Variants in PTPRR observed in about 807,000 individuals in gnomAD.
The protein encoded by PTPRR is protein tyrosine phosphatase receptor type R.
Under a neutral mutation model 77.2 loss-of-function variants are expected in PTPRR, and 38 were observed. The ratio of observed to expected loss-of-function variants is 0.49; its 90% CI spans 0.38 to 0.65. PTPRR has a LOEUF of 0.65. Ranked by LOEUF, PTPRR falls within the 30% of genes least tolerant of loss-of-function variation. The pLI, the probability that PTPRR is intolerant of heterozygous loss-of-function variation, is 0.00. For missense variants in PTPRR, 744 were observed against 799.2 expected (o/e 0.93, Z 0.83); for synonymous variants, 299 against 283.1 (o/e 1.06, Z -0.57).
At chr12:70,684,808 A>G (rs1344961815) in intron 8 of PTPRR, 25 bp from the exon 9 acceptor site, 13 of 1,512,430 alleles carry the variant, frequency 8.6e-6, no homozygotes, top group South Asian at 1.2e-5. Context: ...AAAAAAGAAT[A>G]TATTAAACAG....
At chr12:70,892,151 CA>C (rs1347889870) in intron 2 of PTPRR, among the ~76,000 whole-genome samples, 1 of 151,966 alleles carries the variant, frequency 6.6e-6, no homozygotes, top group Non-Finnish European at 1.5e-5. Flanking sequence ...TCAGTAATAT[CA>C]AAAATGTTAT....
intron 4 of PTPRR, among the ~76,000 whole-genome samples, chr12:70,759,678 T>TAAAA (rs1890643317): frequency 2.5e-5 from 1 of 40,100 alleles, no homozygotes; most frequent in Non-Finnish European, 5.1e-5. Context: ...AGACTCCGTC[T>TAAAA]TAAAAAAAAA....
At chr12:70,757,138 T>G (rs1419958074) in intron 4 of PTPRR, among the ~76,000 whole-genome samples, 1 of 152,224 alleles carries the variant, frequency 6.6e-6, no homozygotes, top group Non-Finnish European at 1.5e-5. Flanking sequence ...TACCTGCTAG[T>G]GTTCCTAGTT....
chr12:70,905,362 C>T (rs1273757589), intron 1 of PTPRR, among the ~76,000 whole-genome samples: 2 of 151,828 alleles, frequency 1.3e-5, no homozygotes, highest in African/African-American at 2.4e-5. Flanking sequence ...ATATGAAATA[C>T]ATGGTAGGAT....
chr12:70,774,358 G>C (rs1179106812), intron 2 of PTPRR, among the ~76,000 whole-genome samples: 1 of 152,190 alleles, frequency 6.6e-6, no homozygotes, highest in African/African-American at 2.4e-5. Context: ...TTAACTTGAG[G>C]CTTGTAACTG....
chr12:70,887,971 T>C (rs1476631378), intron 2 of PTPRR, among the ~76,000 whole-genome samples: 1 of 151,880 alleles, frequency 6.6e-6, no homozygotes, highest in African/African-American at 2.4e-5. Flanking sequence ...GGGAAAATGT[T>C]TGAATTTTAG....
chr12:70,821,270 G>T (rs554276570), intron 2 of PTPRR, among the ~76,000 whole-genome samples: 384 of 110,264 alleles, frequency 3.5e-3, no homozygotes, highest in Middle Eastern at 0.015. Flanking sequence ...TGTCCCCCAG[G>T]CTGGAGTGCA....
intron 2 of PTPRR, among the ~76,000 whole-genome samples, chr12:70,834,693 A>G (rs1030705310): frequency 6.6e-6 from 1 of 152,180 alleles, no homozygotes; most frequent in African/African-American, 2.4e-5. Flanking sequence ...ATTATTGAAT[A>G]GTAGAAGGAA....
intron 8 of PTPRR, among the ~76,000 whole-genome samples, chr12:70,686,820 C>T (rs571002870): frequency 7.2e-5 from 11 of 152,190 alleles, no homozygotes; most frequent in Non-Finnish European, 1.5e-4. Context: ...CATGAAAGAC[C>T]TTGAGCCAGA....
rs577465225 is a variant in PTPRR at position 70,888,834 on chromosome 12, A to G, written c.357+3845T>C. ...GACCTATTGTCCCTACTATGTAAGT[A>G]ATCACTGTCAAGAAGTATACAGGCT... is the stretch of plus-strand genomic sequence containing the variant. On this transcript the variant is annotated intron_variant, in intron 2 of 13. Transcript: ENST00000283228. Among the ~76,000 whole-genome samples the G allele has an allele frequency of 5.5e-4, 83 of 152,266 alleles. 1 individual carries two copies. The highest frequency in any genetic ancestry group is 1.9e-3 in the African/African-American group (81 of 41,568).
At chr12:70,740,863 A>G (rs973419937) in intron 6 of PTPRR, among the ~76,000 whole-genome samples, 11 of 152,142 alleles carry the variant, frequency 7.2e-5, no homozygotes, top group African/African-American at 2.4e-4. Flanking sequence ...AGAGCTATTA[A>G]ACATGAGCCT....
intron 2 of PTPRR, among the ~76,000 whole-genome samples, chr12:70,792,803 T>G (rs547182036): frequency 6.6e-6 from 1 of 152,258 alleles, no homozygotes; most frequent in East Asian, 1.9e-4. Flanking sequence ...GTAACATGTC[T>G]GAACAGGATC....
intron 6 of PTPRR, among the ~76,000 whole-genome samples, chr12:70,732,706 G>C (rs547050857): frequency 3.3e-5 from 5 of 151,360 alleles, no homozygotes; most frequent in Admixed American, 6.6e-5. Flanking sequence ...GATTACAGGC[G>C]CACGTCACCA....
At position 70,833,866 on chromosome 12, in the gene PTPRR, C is replaced by T. The variant is rs79792396; in HGVS notation, c.357+58813G>A. Reference sequence around the variant, plus strand: ...TCTGGGCTGCTCATTCCCTCCCATGCAATTCTTCTTCAAAAGGCAGCCCCA... The same window carrying T: ...TCTGGGCTGCTCATTCCCTCCCATGTAATTCTTCTTCAAAAGGCAGCCCCA... On this transcript the variant is annotated intron_variant, in intron 2 of 13. Transcript: ENST00000283228. Among the ~76,000 whole-genome samples the T allele has an allele frequency of 6.7e-3, 1,023 of 152,238 alleles. 6 individuals are homozygous for T. Among genetic ancestry groups the T allele is most frequent in the African/African-American group, 0.024 (977 of 41,558 alleles).
At chr12:70,829,797 A>C (rs1442166165) in intron 2 of PTPRR, among the ~76,000 whole-genome samples, 4 of 152,074 alleles carry the variant, frequency 2.6e-5, no homozygotes, top group Admixed American at 2.0e-4. Flanking sequence ...TGAGGATCTC[A>C]TAGGTGCATA....
chr12:70,676,307 G>A (rs1887444205), intron 10 of PTPRR, among the ~76,000 whole-genome samples: 1 of 151,584 alleles, frequency 6.6e-6, no homozygotes, highest in South Asian at 2.1e-4. Context: ...AAACTTTAAT[G>A]TCTTTATAAT....
chr12:70,685,044 C>T (rs528557033), intron 8 of PTPRR: 43 of 297,870 alleles, frequency 1.4e-4, no homozygotes, highest in African/African-American at 5.4e-4. Flanking sequence ...TTCCGGTTCT[C>T]GACCTCATTT....
chr12:70,788,176 G>T (rs1221058863), intron 2 of PTPRR, among the ~76,000 whole-genome samples: 8 of 152,058 alleles, frequency 5.3e-5, no homozygotes, highest in African/African-American at 1.4e-4. Flanking sequence ...AAAGAGTAAG[G>T]TTCTTGGTTT....
intron 6 of PTPRR, among the ~76,000 whole-genome samples, chr12:70,715,596 AC>A (rs1456364372): frequency 6.6e-6 from 1 of 152,122 alleles, no homozygotes; most frequent in African/African-American, 2.4e-5. Context: ...CAGTTCAGAG[AC>A]CCACCCCCAG....
Sources: allele counts gnomAD v4.1 joint callset (sites outside exome capture counted in the v4.1 genomes callset), GRCh38; gene constraint gnomAD v4.1.1; transcripts MANE v1.5; gene names NCBI Gene and HGNC (gene_info 2026-07-23, HGNC 2026-07-21).